ABCB1: variants seen among roughly 807,000 people sequenced by gnomAD.
ABCB1 encodes the protein ATP-dependent translocase ABCB1.
In ABCB1, 69 loss-of-function variants were observed where a neutral mutation model predicts 142.0. The ratio of observed to expected loss-of-function variants is 0.49; its 90% CI spans 0.40 to 0.59. ABCB1 has a LOEUF of 0.59. Ranked by LOEUF, ABCB1 falls within the 20% of genes least tolerant of loss-of-function variation. The pLI is 0.00. For missense variants in ABCB1, 1,326 were observed against 1,554.7 expected (o/e 0.85, Z 2.47); for synonymous variants, 532 against 539.2 (o/e 0.99, Z 0.18).
intron 1 of ABCB1, among the ~76,000 whole-genome samples, chr7:87,652,621 GATATATATAT>G (rs373344881): frequency 8.0e-6 from 1 of 125,414 alleles, no homozygotes. Flanking sequence ...TGTGGTCACT[GATATATATAT>G]ATATATATAT....
intron 23 of ABCB1, among the ~76,000 whole-genome samples, chr7:87,518,706 A>G (rs958986258): frequency 8.5e-5 from 13 of 152,204 alleles, no homozygotes; most frequent in African/African-American, 2.7e-4. Flanking sequence ...AGAAGCTCAG[A>G]AAGATTACAC....
At chr7:87,653,867 G>A (rs1336351890) in intron 1 of ABCB1, among the ~76,000 whole-genome samples, 4 of 151,916 alleles carry the variant, frequency 2.6e-5, no homozygotes, top group Non-Finnish European at 4.4e-5. Context: ...GCTGAGTAAA[G>A]TGCTTCAGAT....
chr7:87,701,271 GAAGA>G (rs1023599973), intron 1 of ABCB1, among the ~76,000 whole-genome samples: 6 of 152,246 alleles, frequency 3.9e-5, no homozygotes, highest in Admixed American at 2.0e-4. Context: ...CTCAAAAAAA[GAAGA>G]AAGAAGTGAG....
chr7:87,631,717 C>CA (rs2130194691), intron 1 of ABCB1, among the ~76,000 whole-genome samples: 1 of 152,214 alleles, frequency 6.6e-6, no homozygotes, highest in South Asian at 2.1e-4. Context: ...TATCTCAAAT[C>CA]AGAGATGATT....
intron 1 of ABCB1, chr7:87,628,624 T>G (rs1554445686): frequency 9.5e-6 from 3 of 316,238 alleles, no homozygotes. Flanking sequence ...TGTGTGTGTG[T>G]GGAGCTCGGG....
intron 1 of ABCB1, among the ~76,000 whole-genome samples, chr7:87,613,257 C>CT (rs67823385): frequency 0.067 from 4,295 of 64,294 alleles, 397 homozygotes; most frequent in African/African-American, 0.16. Flanking sequence ...TCCTTTATTT[C>CT]TTTTTTTTTT....
intron 1 of ABCB1, chr7:87,710,605 A>G: frequency 6.2e-7 from 1 of 1,603,792 alleles, no homozygotes; most frequent in East Asian, 2.2e-5. Context: ...TCATGGAAAA[A>G]CATTTATCTG....
chr7:87,670,711 C>A (rs2130515881), intron 1 of ABCB1, among the ~76,000 whole-genome samples: 1 of 152,252 alleles, frequency 6.6e-6, no homozygotes, highest in Non-Finnish European at 1.5e-5. Context: ...AAGCTGACTT[C>A]TTGACTCTGG....
chr7:87,690,154 T>A (rs1585111632), intron 1 of ABCB1, among the ~76,000 whole-genome samples: 1 of 152,178 alleles, frequency 6.6e-6, no homozygotes, highest in East Asian at 1.9e-4. Flanking sequence ...TATAAGAACC[T>A]GAGATGACCC....
chr7:87,576,976 C>G (rs1818296748), intron 4 of ABCB1, among the ~76,000 whole-genome samples: 2 of 152,028 alleles, frequency 1.3e-5, no homozygotes, highest in Non-Finnish European at 2.9e-5. Context: ...ACTGTAGTCA[C>G]CCTGTTGTGT....
At position 87,600,123 on chromosome 7, in the gene ABCB1, T is replaced by C; in HGVS notation, c.62A>G (p.Asn21Ser). 1.2e-6 allele frequency: 2 copies of C among 1,613,548 alleles called. No homozygotes were observed. Among genetic ancestry groups the C allele is most frequent in the Non-Finnish European group, 1.7e-6 (2 of 1,179,536 alleles). The change falls in exon 2 of 28, where the codon AAT becomes AGT. Residue 21 changes from asparagine (N) to serine (S), a missense_variant. Physicochemically the swap from Asn to Ser is conservative, Grantham distance 46 (BLOSUM62 1). Coordinates refer to ENST00000622132, the MANE Select transcript of ABCB1 (RefSeq NM_001348946.2). ...AATGAAACAAGCTAGTTACCTTTTA[T>C]TGTTCAGTTTAAAAAAGTTCTTCTT... ...AKKKNFFKLN[N>S]KSEKDKKEKK...
chr7:87,645,007 T>C (rs986175279), intron 1 of ABCB1, among the ~76,000 whole-genome samples: 1 of 151,940 alleles, frequency 6.6e-6, no homozygotes, highest in Admixed American at 6.6e-5. Context: ...TTTCTCTTGC[T>C]ATGATGACAA....
At chr7:87,628,906 A>G (rs745827157) in intron 1 of ABCB1, 83 of 1,308,606 alleles carry the variant, frequency 6.3e-5, no homozygotes, top group Middle Eastern at 2.0e-4. Flanking sequence ...AGCGCCCGCA[A>G]TGCTGCGGTG....
At chr7:87,523,451 A>C (rs1043941975) in intron 21 of ABCB1, among the ~76,000 whole-genome samples, 1 of 152,128 alleles carries the variant, frequency 6.6e-6, no homozygotes, top group Non-Finnish European at 1.5e-5. Context: ...CAACATGGTG[A>C]AACCCCATCT....
chr7:87,616,068 G>A (rs1345420136), intron 1 of ABCB1, among the ~76,000 whole-genome samples: 1 of 152,112 alleles, frequency 6.6e-6, no homozygotes, highest in Non-Finnish European at 1.5e-5. Flanking sequence ...CTTTAAGGTA[G>A]ATTTTAACAT....
Position 87,550,066 on chromosome 7 carries a change from A to C in ABCB1, c.1351-12T>G, listed in dbSNP as rs2235032. The C allele has an allele frequency of 5.6e-6, 9 of 1,614,158 alleles. No individual in the cohort carries two copies. The highest frequency in any genetic ancestry group is 2.7e-5 in the African/African-American group (2 of 75,070). ...CCATCAACACTGACCTGGAATAAAA[A>C]GTAAGTGTGACTTTCATACATTTGT... On this transcript the variant is annotated splice_polypyrimidine_tract_variant and intron_variant, in intron 12 of 27. Coordinates refer to ENST00000622132, the MANE Select transcript of ABCB1 (RefSeq NM_001348946.2).
intron 21 of ABCB1, among the ~76,000 whole-genome samples, chr7:87,523,459 T>C (rs1315506942): frequency 6.6e-6 from 1 of 151,878 alleles, no homozygotes; most frequent in African/African-American, 2.4e-5. Flanking sequence ...TGAAACCCCA[T>C]CTCTACTAAA....
chr7:87,520,631 A>G (rs1013570687), intron 22 of ABCB1, 145 bp downstream of exon 22: 55 of 740,512 alleles, frequency 7.4e-5, no homozygotes, highest in Non-Finnish European at 7.4e-5. Flanking sequence ...TCTCTCCTGC[A>G]TAATTACAAC....
intron 1 of ABCB1, chr7:87,628,704 C>A (rs1820865973): frequency 5.1e-6 from 3 of 584,696 alleles, no homozygotes; most frequent in South Asian, 9.2e-5. Context: ...TCCCTCCAGG[C>A]TCCTTTCCTA....
Sources: gnomAD v4.1 joint callset for allele counts (sites outside exome capture counted in the v4.1 genomes callset) on GRCh38, gnomAD v4.1.1 for gene constraint, MANE v1.5 for transcripts, NCBI Gene and HGNC (gene_info 2026-07-23, HGNC 2026-07-21) for gene names.